The following FARS2 variants were observed in gnomAD, a reference collection of about 807,000 sequenced individuals.
FARS2 encodes phenylalanyl-tRNA synthetase 2, mitochondrial, also known as phenylalanine--tRNA ligase, mitochondrial.
Under a neutral mutation model 46.4 loss-of-function variants are expected in FARS2, and 40 were observed. The observed-to-expected ratio is 0.86, with a 90% CI of 0.67 to 1.12. The LOEUF (loss-of-function observed/expected upper bound fraction) is 1.12, where lower values mean the gene tolerates loss of function less well. FARS2 is among the 50% of genes most tolerant of loss of function. The pLI is 0.00. For synonymous variants in FARS2, 234 were observed against 214.9 expected (o/e 1.09, Z -0.78); for missense variants, 513 against 567.9 (o/e 0.90, Z 0.98).
At chr6:5,503,405 CAG>C (rs869089548) in intron 4 of FARS2, among the ~76,000 whole-genome samples, 492 of 39,554 alleles carry the variant, frequency 0.012, 2 homozygotes, top group Middle Eastern at 0.02. Context: ...CACACACACA[CAG>C]AGAGAGAGAG....
chr6:5,306,645 G>C (rs1581741499), intron 1 of FARS2, among the ~76,000 whole-genome samples: 1 of 152,272 alleles, frequency 6.6e-6, no homozygotes, highest in African/African-American at 2.4e-5. Flanking sequence ...CACATTCCCA[G>C]TGTGTCCCAG....
intron 4 of FARS2, among the ~76,000 whole-genome samples, chr6:5,538,759 G>A (rs762752464): frequency 3.9e-4 from 60 of 152,134 alleles, no homozygotes; most frequent in Admixed American, 9.2e-4. Flanking sequence ...GAAATAAATC[G>A]AAAGGGAACC....
intron 6 of FARS2, chr6:5,695,304 C>T (rs1222568336): frequency 6.6e-6 from 1 of 152,288 alleles, no homozygotes; most frequent in African/African-American, 2.4e-5. Flanking sequence ...ACAACAGCAG[C>T]ATTTGTGGCA....
At chr6:5,562,806 CTTTT>C (rs1275011133) in intron 5 of FARS2, among the ~76,000 whole-genome samples, 1 of 122,316 alleles carries the variant, frequency 8.2e-6, no homozygotes, top group Non-Finnish European at 1.8e-5. Context: ...TTTTCTTTTT[CTTTT>C]TTTTTTTTTT....
At chr6:5,276,464 C>G (rs1482529453) in intron 1 of FARS2, among the ~76,000 whole-genome samples, 2 of 152,166 alleles carry the variant, frequency 1.3e-5, no homozygotes. Flanking sequence ...CAGGCATAAA[C>G]ATGAACTGTC....
intron 1 of FARS2, among the ~76,000 whole-genome samples, chr6:5,271,689 A>G (rs1376906841): frequency 6.7e-6 from 1 of 150,224 alleles, no homozygotes; most frequent in African/African-American, 2.5e-5. Flanking sequence ...CAGCCTCCCG[A>G]GTAGCTGGGA....
At chr6:5,717,088 G>A (rs1759544095) in intron 6 of FARS2, among the ~76,000 whole-genome samples, 1 of 152,142 alleles carries the variant, frequency 6.6e-6, no homozygotes, top group African/African-American at 2.4e-5. Context: ...CTTCCCCCTG[G>A]GATGAGGCAG....
chr6:5,510,992 A>G (rs1768416854), intron 4 of FARS2, among the ~76,000 whole-genome samples: 1 of 152,122 alleles, frequency 6.6e-6, no homozygotes, highest in South Asian at 2.1e-4. Flanking sequence ...GATCCTGAGG[A>G]TCAGAGCCTG....
chr6:5,633,614 A>T (rs1469348984), intron 6 of FARS2, among the ~76,000 whole-genome samples: 2 of 152,130 alleles, frequency 1.3e-5, no homozygotes, highest in African/African-American at 4.8e-5. Context: ...TAGTCTTTTT[A>T]AAAAATGTAT....
chr6:5,396,110 A>G (rs1039834269), intron 2 of FARS2, among the ~76,000 whole-genome samples: 2 of 152,138 alleles, frequency 1.3e-5, no homozygotes, highest in Admixed American at 6.5e-5. Flanking sequence ...TTCTTAAAGA[A>G]TAATGTTCAT....
At chr6:5,566,032 T>C (rs1772303627) in intron 5 of FARS2, among the ~76,000 whole-genome samples, 1 of 152,196 alleles carries the variant, frequency 6.6e-6, no homozygotes, top group African/African-American at 2.4e-5. Context: ...TTCATAACCC[T>C]TTTACTAAAG....
chr6:5,593,263 C>T (rs1460083658), intron 5 of FARS2, among the ~76,000 whole-genome samples: 1 of 151,716 alleles, frequency 6.6e-6, no homozygotes, highest in Non-Finnish European at 1.5e-5. Context: ...AAGGTTACCC[C>T]TATGGCTCCT....
In FARS2 at chr6:5,343,608, T is replaced by A. The variant is rs952360377; in HGVS notation, c.-21-24942T>A. On this transcript the variant is annotated intron_variant, in intron 1 of 6. Coordinates refer to ENST00000274680, the MANE Select transcript of FARS2 (RefSeq NM_006567.5). The surrounding 1 kb of genome is among the most constrained non-coding windows in gnomAD (Gnocchi z 4.5). ...TTATAACTAGAAATTGTACACATTT[T>A]TAGTTCTTTGGAACATGTAAACCCA... Among the ~76,000 whole-genome samples the A allele has an allele frequency of 1.3e-5, 2 of 152,212 alleles. No homozygotes were observed. Among genetic ancestry groups the A allele is most frequent in the African/African-American group, 4.8e-5 (2 of 41,448 alleles).
rs1581820816 is a variant in FARS2, at chr6:5,339,393, A to ATCG, written c.-21-29155_-21-29153dup. ...GGGCAAGTTAGCAAATTTTTTGTTTATCGTGCATACCAAAAATTAATTCAC... is the reference window on the plus strand; with the variant it reads ...GGGCAAGTTAGCAAATTTTTTGTTTATCGTCGTGCATACCAAAAATTAATTCAC... On this transcript the variant is annotated intron_variant, in intron 1 of 6. Coordinates refer to ENST00000274680, the MANE Select transcript of FARS2 (RefSeq NM_006567.5). Among the ~76,000 whole-genome samples the ATCG allele has an allele frequency of 2.6e-5, 4 of 152,228 alleles. No homozygotes were observed. In the East Asian group the frequency reaches 7.7e-4, roughly 29 times the overall value.
In FARS2 at chr6:5,283,962, A is replaced by G. The variant is rs1015632105; in HGVS notation, c.-22+22302A>G. Among the ~76,000 whole-genome samples, 51 of 152,252 alleles carry G rather than the reference A, an allele frequency of 3.3e-4. 1 individual carries two copies. The highest frequency in any genetic ancestry group is 2.4e-5 in the African/African-American group (1 of 41,466). On this transcript the variant is annotated intron_variant, in intron 1 of 6. Transcript: ENST00000274680. The stretch of plus-strand genomic sequence containing the variant: ...TTTAAATTATTGCTTGCCGAAATAA[A>G]GGATATATGCATTTAAAATGTTGAT...
intron 6 of FARS2, among the ~76,000 whole-genome samples, chr6:5,753,692 G>A (rs1451365396): frequency 6.6e-6 from 1 of 152,180 alleles, no homozygotes; most frequent in African/African-American, 2.4e-5. Context: ...TATGACCAGA[G>A]GTTGCTGCAG....
intron 6 of FARS2, among the ~76,000 whole-genome samples, chr6:5,642,170 G>T (rs1706988407): frequency 6.6e-6 from 1 of 152,136 alleles, no homozygotes; most frequent in African/African-American, 2.4e-5. Context: ...CTGTATGTGT[G>T]TATTATAACA....
At chr6:5,545,423 G>T (rs1462265234) in intron 5 of FARS2, 83 bp downstream of exon 5, 2 of 964,326 alleles carry the variant, frequency 2.1e-6, no homozygotes, top group South Asian at 2.0e-5. Context: ...GAAAGCCACT[G>T]AATTTTATTT....
chr6:5,496,852 A>T (rs954743352), intron 4 of FARS2, among the ~76,000 whole-genome samples: 4 of 151,802 alleles, frequency 2.6e-5, no homozygotes, highest in Admixed American at 2.6e-4. Context: ...CTTTTTATTT[A>T]ATTTTATTTT....
Sources: gnomAD v4.1 joint callset for allele counts (sites outside exome capture counted in the v4.1 genomes callset) on GRCh38, gnomAD v4.1.1 for gene constraint, Gnocchi (gnomAD v3.1) non-coding constraint, MANE v1.5 for transcripts, NCBI Gene and HGNC (gene_info 2026-07-23, HGNC 2026-07-21) for gene names.